Variants in PPP2R2C observed in about 807,000 individuals in gnomAD.
PPP2R2C encodes protein phosphatase 2 regulatory subunit Bgamma.
PPP2R2C carries 10 observed loss-of-function variants against 45.3 expected under a neutral mutation model. The observed-to-expected ratio is 0.22, with a 90% confidence interval of 0.14 to 0.37. The LOEUF (loss-of-function observed/expected upper bound fraction) is 0.37. Ranked by LOEUF, PPP2R2C falls within the 10% of genes least tolerant of loss-of-function variation. The pLI, the probability that PPP2R2C is intolerant of heterozygous loss-of-function variation, is 1.00. For missense variants in PPP2R2C, 308 were observed against 619.7 expected (o/e 0.50, Z 5.34); for synonymous variants, 257 against 245.4 (o/e 1.05, Z -0.44).
At chr4:6,495,267 C>T (rs1038503555) in intron 2 of PPP2R2C, among the ~76,000 whole-genome samples, 7 of 152,228 alleles carry the variant, frequency 4.6e-5, no homozygotes, top group African/African-American at 7.2e-5. Flanking sequence ...AAGCCATCGT[C>T]GGCACAGGGA....
At chr4:6,446,105 C>T (rs1255375022) in intron 1 of PPP2R2C, among the ~76,000 whole-genome samples, 2 of 152,148 alleles carry the variant, frequency 1.3e-5, no homozygotes. Flanking sequence ...GTGAAAAAGC[C>T]AGTAACAGTG....
intron 1 of PPP2R2C, among the ~76,000 whole-genome samples, chr4:6,421,569 G>A (rs1177187357): frequency 2.0e-5 from 3 of 152,156 alleles, no homozygotes; most frequent in Non-Finnish European, 4.4e-5. Context: ...CCGTGAAAAC[G>A]AAGCCCACAG....
chr4:6,490,463 C>A (rs1273576181), intron 2 of PPP2R2C, among the ~76,000 whole-genome samples: 1 of 152,222 alleles, frequency 6.6e-6, no homozygotes, highest in Non-Finnish European at 1.5e-5. Context: ...TGATTGCTCA[C>A]AAATTAAATA....
intron 1 of PPP2R2C, among the ~76,000 whole-genome samples, chr4:6,406,838 T>C (rs919907387): frequency 1.3e-5 from 2 of 152,188 alleles, no homozygotes; most frequent in Non-Finnish European, 2.9e-5. Flanking sequence ...CTTGTGAATG[T>C]GACCTTATTT....
intron 5 of PPP2R2C, among the ~76,000 whole-genome samples, chr4:6,366,160 C>T (rs1714284650): frequency 6.6e-6 from 1 of 152,218 alleles, no homozygotes; most frequent in South Asian, 2.1e-4. Context: ...TCCAATTAGG[C>T]ACCAGGCTCT....
chr4:6,469,436 G>A (rs1721749280), intron 1 of PPP2R2C, among the ~76,000 whole-genome samples: 9 of 152,190 alleles, frequency 5.9e-5, no homozygotes, highest in Admixed American at 5.9e-4. Context: ...TGTGCACCTG[G>A]TTCTTCCGCA....
At chr4:6,440,093 G>A (rs1269337612) in intron 1 of PPP2R2C, among the ~76,000 whole-genome samples, 1 of 152,056 alleles carries the variant, frequency 6.6e-6, no homozygotes, top group Non-Finnish European at 1.5e-5. Context: ...TCTTTTCCCA[G>A]AATTTGTCAA....
In PPP2R2C at chr4:6,377,228, T is replaced by C. The variant is rs187319275; in HGVS notation, c.334+1179A>G. Among the ~76,000 whole-genome samples the C allele has an allele frequency of 5.3e-3, 809 of 152,294 alleles. 36 individuals are homozygous for C. The highest frequency in any genetic ancestry group is 0.049 in the Admixed American group (754 of 15,294). On this transcript the variant is annotated intron_variant, in intron 3 of 8. Coordinates refer to ENST00000382599, the MANE Select transcript of PPP2R2C (RefSeq NM_020416.4). Reference sequence around the variant, plus strand: ...CAGCACCTCGAAGCCTGGCTGGTGCTTGTGCAGCGGTTACTGTTCTCAGGG... The same window carrying C: ...CAGCACCTCGAAGCCTGGCTGGTGCCTGTGCAGCGGTTACTGTTCTCAGGG...
At chr4:6,469,985 C>T (rs779621961) in intron 1 of PPP2R2C, among the ~76,000 whole-genome samples, 18 of 152,208 alleles carry the variant, frequency 1.2e-4, no homozygotes, top group Admixed American at 7.9e-4. Context: ...GGGGATAAGG[C>T]GTAGGTGAGC....
At chr4:6,393,517 C>T (rs1716795055) in intron 1 of PPP2R2C, among the ~76,000 whole-genome samples, 1 of 152,214 alleles carries the variant, frequency 6.6e-6, no homozygotes, top group African/African-American at 2.4e-5. Context: ...AACCCAGTCC[C>T]CAGAAGAGAG....
intron 2 of PPP2R2C, among the ~76,000 whole-genome samples, chr4:6,526,477 G>C (rs1344220863): frequency 6.6e-6 from 1 of 152,222 alleles, no homozygotes; most frequent in Admixed American, 6.5e-5. Context: ...AGATAGTGGT[G>C]ATGGTTGTAT....
chr4:6,373,838 TGTGTGCATATGA>T (rs1715063936), intron 4 of PPP2R2C, among the ~76,000 whole-genome samples: 1 of 151,918 alleles, frequency 6.6e-6, no homozygotes, highest in South Asian at 2.1e-4. Context: ...CATGTATGAG[TGTGTGCATATGA>T]GTGTGCATGT....
chr4:6,391,747 A>G (rs1281762210), intron 1 of PPP2R2C, among the ~76,000 whole-genome samples: 1 of 152,214 alleles, frequency 6.6e-6, no homozygotes, highest in Non-Finnish European at 1.5e-5. Context: ...GAGCGGCAGC[A>G]GGGGAAGCCC....
chr4:6,445,045 C>G (rs1456773973), intron 1 of PPP2R2C, among the ~76,000 whole-genome samples: 1 of 152,050 alleles, frequency 6.6e-6, no homozygotes, highest in Non-Finnish European at 1.5e-5. Flanking sequence ...AAAAATTAGC[C>G]GGGTATGTTG....
intron 1 of PPP2R2C, among the ~76,000 whole-genome samples, chr4:6,541,668 C>T (rs1724806547): frequency 6.6e-6 from 1 of 152,204 alleles, no homozygotes; most frequent in Non-Finnish European, 1.5e-5. Context: ...GCCTCAGCCT[C>T]CAGAGTAGCT....
chr4:6,492,873 G>A (rs1722740002), intron 2 of PPP2R2C, among the ~76,000 whole-genome samples: 1 of 152,090 alleles, frequency 6.6e-6, no homozygotes, highest in Non-Finnish European at 1.5e-5. Context: ...ATGGGCCCCA[G>A]GTATGGGACT....
At chr4:6,417,852 G>A (rs994315638) in intron 1 of PPP2R2C, among the ~76,000 whole-genome samples, 1 of 152,236 alleles carries the variant, frequency 6.6e-6, no homozygotes, top group Non-Finnish European at 1.5e-5. Context: ...AAGCCTCAGA[G>A]AAGTCGCCGA....
chr4:6,441,169 G>A (rs1720132288), intron 1 of PPP2R2C, among the ~76,000 whole-genome samples: 1 of 152,060 alleles, frequency 6.6e-6, no homozygotes, highest in Non-Finnish European at 1.5e-5. Flanking sequence ...CCGCCAACAG[G>A]GAACCTCAGT....
chr4:6,382,507 G>A (rs1715878666), intron 1 of PPP2R2C: 1 of 1,351,896 alleles, frequency 7.4e-7, no homozygotes, highest in African/African-American at 1.5e-5. Context: ...CCCTTCATTG[G>A]TCACCATAAC....
Sources: gnomAD v4.1 joint callset for allele counts (sites outside exome capture counted in the v4.1 genomes callset) on GRCh38, gnomAD v4.1.1 for gene constraint, MANE v1.5 for transcripts, NCBI Gene and HGNC (gene_info 2026-07-23, HGNC 2026-07-21) for gene names.